Variants in KANK2 observed in about 807,000 individuals in gnomAD.
KANK2 encodes the protein KN motif and ankyrin repeat domains 2.
Under a neutral mutation model 74.6 loss-of-function variants are expected in KANK2, and 41 were observed. The observed-to-expected ratio is 0.55, with a 90% CI of 0.43 to 0.71. KANK2 has a LOEUF of 0.71. Among genes scored for constraint, KANK2 ranks in the 30% least tolerant of loss-of-function variants. KANK2 has a pLI of 0.00. For synonymous variants in KANK2, 537 were observed against 519.0 expected (o/e 1.03, Z -0.47); for missense variants, 1,148 against 1,196.4 (o/e 0.96, Z 0.60).
intron 2 of KANK2, 160 bp from the exon 3 acceptor site, chr19:11,194,750 C>T (rs970166329): frequency 1.5e-5 from 7 of 472,078 alleles, no homozygotes; most frequent in South Asian, 8.7e-5. Flanking sequence ...GGGCCCCCCC[C>T]GACCCCCTCC....
rs201976184 is a variant in KANK2, at chr19:11,178,507, C to T, written c.1417+46G>A. Reference sequence around the variant, plus strand: ...CCTTCAGGGCCAGACTCCGAACTGGCGCCATCCCGGTGCCCCGTCCCTCTT... The same window carrying T: ...CCTTCAGGGCCAGACTCCGAACTGGTGCCATCCCGGTGCCCCGTCCCTCTT... On this transcript the variant is annotated intron_variant, in intron 5 of 12. Transcript: ENST00000586659. 2,330 of 1,601,342 alleles carry T rather than the reference C, an allele frequency of 1.5e-3. 3 individuals carry two copies. Among genetic ancestry groups the T allele is most frequent in the Admixed American group, 2.5e-3 (145 of 57,150 alleles).
intron 4 of KANK2, among the ~76,000 whole-genome samples, chr19:11,181,160 G>A (rs527491432): frequency 3.4e-5 from 5 of 148,642 alleles, no homozygotes; most frequent in Non-Finnish European, 7.4e-5. Flanking sequence ...ATTATGCTAA[G>A]TGAAAGAAGC....
intron 4 of KANK2, among the ~76,000 whole-genome samples, chr19:11,187,908 T>C (rs1439318982): frequency 1.3e-5 from 2 of 151,926 alleles, no homozygotes; most frequent in Non-Finnish European, 2.9e-5. Flanking sequence ...GGCAACATAG[T>C]GAGACCTCAT....
At chr19:11,189,721 G>C (rs1398066996) in intron 4 of KANK2, among the ~76,000 whole-genome samples, 1 of 150,692 alleles carries the variant, frequency 6.6e-6, no homozygotes, top group Non-Finnish European at 1.5e-5. Flanking sequence ...GGAATAAAAT[G>C]AGACTCCAGG....
At chr19:11,183,468 C>T (rs1411400113) in intron 4 of KANK2, among the ~76,000 whole-genome samples, 5 of 151,730 alleles carry the variant, frequency 3.3e-5, no homozygotes, top group Middle Eastern at 3.2e-3. Context: ...ATCAGGGACT[C>T]AGGAAAGGGA....
Position 11,178,353 on chromosome 19 carries a change from G to A in KANK2, c.1512C>T (p.Val504=), listed in dbSNP as rs772883566. ...AHRRSLQFVG[V]NGGYESSSED... ...GGGTCTTCTCCTCTCACCCGCCGTTGACCCCCACGAACTGGAGGCTCCTCC... is the reference window on the plus strand; with the variant it reads ...GGGTCTTCTCCTCTCACCCGCCGTTAACCCCCACGAACTGGAGGCTCCTCC... The change falls in exon 6 of 13, where the codon GTC becomes GTT. Residue 504 remains valine, a synonymous_variant. Transcript: ENST00000586659. 6.6e-7 allele frequency: 1 copy of A among 1,520,996 alleles called. No individual in the cohort carries two copies. Among genetic ancestry groups the A allele is most frequent in the East Asian group, 2.5e-5 (1 of 39,626 alleles). The allele number at this position is 1,520,996 out of a possible 1,614,324, so 94.2% of individuals were successfully genotyped here.
intron 9 of KANK2, 59 bp from the exon 10 acceptor site, chr19:11,173,182 GA>G: frequency 6.4e-7 from 1 of 1,553,892 alleles, no homozygotes; most frequent in Non-Finnish European, 8.8e-7. Flanking sequence ...CTGCCCCAAG[GA>G]ACGTGGATAC....
chr19:11,182,857 A>T lies in KANK2; in HGVS notation c.1250-4137T>A, dbSNP rs1054400195. Among the ~76,000 whole-genome samples the T allele has an allele frequency of 2.3e-4, 34 of 148,958 alleles. 1 individual carries two copies. Among genetic ancestry groups the T allele is most frequent in the African/African-American group, 8.0e-4 (32 of 40,240 alleles). On this transcript the variant is annotated intron_variant, in intron 4 of 12. Transcript: ENST00000586659. ...GACTGCCTCAAAAAAAAAAAAAAAAAAAAAAGTAAAAAAAATCAAACAAAC... is the reference window on the plus strand; with the variant it reads ...GACTGCCTCAAAAAAAAAAAAAAAATAAAAAGTAAAAAAAATCAAACAAAC...
At chr19:11,175,120 G>T (rs556494526) in intron 8 of KANK2, among the ~76,000 whole-genome samples, 2 of 151,988 alleles carry the variant, frequency 1.3e-5, no homozygotes, top group East Asian at 2.0e-4. Flanking sequence ...ACTATGCCTA[G>T]CTAATTTTTA....
intron 8 of KANK2, 133 bp from the exon 9 acceptor site, chr19:11,174,825 C>T (rs375266267): frequency 2.0e-5 from 14 of 697,186 alleles, no homozygotes; most frequent in Non-Finnish European, 3.2e-5. Context: ...AAGTGCAGAC[C>T]CTCCCAAAGG....
In KANK2 at chr19:11,194,518, T is replaced by C. The variant is rs1479019319; in HGVS notation, c.-7A>G. 1.2e-6 allele frequency: 2 copies of C among 1,611,822 alleles called. No homozygotes were observed. The highest frequency in any genetic ancestry group is 1.1e-5 in the South Asian group (1 of 91,044). On this transcript the variant is annotated 5_prime_UTR_variant, in exon 3 of 13. Coordinates refer to ENST00000586659, the MANE Select transcript of KANK2 (RefSeq NM_001136191.3). Reference sequence around the variant, plus strand: ...CGTGCAGGACCTGGGCCATCTTCTTTTCTACAGATGCTCCTTGGAAGTCAC... The same window carrying C: ...CGTGCAGGACCTGGGCCATCTTCTTCTCTACAGATGCTCCTTGGAAGTCAC...
At chr19:11,172,850 T>C in intron 10 of KANK2, 131 bp downstream of exon 10, 4 of 930,378 alleles carry the variant, frequency 4.3e-6, no homozygotes, top group Non-Finnish European at 6.6e-6. Context: ...GAAGGTCCTG[T>C]GTCAGAGACA....
chr19:11,178,087 G>T, intron 6 of KANK2, among the ~76,000 whole-genome samples: 1 of 152,172 alleles, frequency 6.6e-6, no homozygotes, highest in East Asian at 1.9e-4. Flanking sequence ...CACCTTCTGT[G>T]GGGTAGAGCT....
intron 8 of KANK2, 107 bp downstream of exon 8, chr19:11,175,795 C>A: frequency 1.4e-6 from 1 of 720,548 alleles, no homozygotes; most frequent in Middle Eastern, 4.0e-4. Flanking sequence ...GTGTCAGGGT[C>A]CCCACTAGGC....
chr19:11,187,801 G>T (rs1321285701), intron 4 of KANK2, among the ~76,000 whole-genome samples: 2 of 152,052 alleles, frequency 1.3e-5, no homozygotes, highest in African/African-American at 4.8e-5. Flanking sequence ...AATAAAATCA[G>T]AAAAAGCTGG....
At chr19:11,177,042 G>A (rs2078362403) in intron 6 of KANK2, among the ~76,000 whole-genome samples, 1 of 151,218 alleles carries the variant, frequency 6.6e-6, no homozygotes, top group Non-Finnish European at 1.5e-5. Flanking sequence ...CGGGGGGAGG[G>A]GCACTGCTTT....
Position 11,197,468 on chromosome 19 carries a change from C to G in KANK2, c.-279+17G>C, listed in dbSNP as rs1032929495. Reference sequence around the variant, plus strand: ...GAACCAGACTTGAACCCCTACCCAGCCCCGGGTCCCACTCGCCTTGCGCGC... The same window carrying G: ...GAACCAGACTTGAACCCCTACCCAGGCCCGGGTCCCACTCGCCTTGCGCGC... On this transcript the variant is annotated intron_variant, in intron 1 of 12. Transcript: ENST00000586659. 6.6e-6 allele frequency: 1 copy of G among 152,052 alleles called. No individual in the cohort carries two copies. The highest frequency in any genetic ancestry group is 2.4e-5 in the African/African-American group (1 of 41,414). 9.4% of individuals were successfully genotyped at this position (152,052 alleles called of 1,614,324 possible).
chr19:11,181,410 C>T (rs916012112), intron 4 of KANK2, among the ~76,000 whole-genome samples: 7 of 151,846 alleles, frequency 4.6e-5, no homozygotes, highest in African/African-American at 7.3e-5. Context: ...CCATGCCCGG[C>T]TAATTTTTGT....
chr19:11,181,088 CAAAAAAAAA>C lies in KANK2; in HGVS notation c.1250-2377_1250-2369del, dbSNP rs752985367. ...GGGGATAGAGCGAGACTCTTGTCTC[CAAAAAAAAA>C]AAAAAAAAAAAAAAAAAAATTCTGG... On this transcript the variant is annotated intron_variant, in intron 4 of 12. Coordinates refer to ENST00000586659, the MANE Select transcript of KANK2 (RefSeq NM_001136191.3). 0.012 allele frequency among the ~76,000 whole-genome samples: 294 copies of C among 24,106 alleles called. 6 individuals carry two copies. In the Middle Eastern group the frequency reaches 0.14, roughly 12 times the overall value. 15.8% of individuals were successfully genotyped at this position (24,106 alleles called of 152,430 possible). A position where few individuals can be genotyped will look rare whatever the true frequency, so the allele number is the denominator to read the frequency against.
Sources: gnomAD v4.1 joint callset for allele counts (sites outside exome capture counted in the v4.1 genomes callset) on GRCh38, gnomAD v4.1.1 for gene constraint, MANE v1.5 for transcripts, NCBI Gene and HGNC (gene_info 2026-07-23, HGNC 2026-07-21) for gene names.